The following KHDRBS2 variants were observed in gnomAD, a reference collection of about 807,000 sequenced individuals.
KHDRBS2 encodes KH RNA binding domain containing, signal transduction associated 2, also known as KH domain-containing, RNA-binding, signal transduction-associated protein 2.
Under a neutral mutation model 44.3 loss-of-function variants are expected in KHDRBS2, and 26 were observed. The ratio of observed to expected loss-of-function variants is 0.59; its 90% CI spans 0.43 to 0.81. The LOEUF is 0.81. KHDRBS2 is among the 40% of genes least tolerant of loss of function. The probability of loss-of-function intolerance (pLI) is 0.00; values close to 1 mark genes in which losing one functional copy is unlikely to be tolerated. For synonymous variants in KHDRBS2, 194 were observed against 151.1 expected, an observed-to-expected ratio of 1.28 and a Z score of -2.08; for missense variants, 476 against 433.1, an observed-to-expected ratio of 1.10 and a Z score of -0.88.
the KHDRBS2 span, among the ~76,000 whole-genome samples, chr6:61,672,927 T>C: frequency 1.3e-5 from 2 of 152,054 alleles, no homozygotes; most frequent in Non-Finnish European, 2.9e-5. Context: ...TGCCCATGCC[T>C]ATGTCCTGAA....
At chr6:62,009,539 G>C (rs2127267756) in intron 3 of KHDRBS2, among the ~76,000 whole-genome samples, 1 of 152,306 alleles carries the variant, frequency 6.6e-6, no homozygotes, top group South Asian at 2.1e-4. Context: ...TGAGGAAAAT[G>C]TCTCCAGGGC....
chr6:62,272,673 G>A (rs923566455), intron 1 of KHDRBS2, among the ~76,000 whole-genome samples: 11 of 152,226 alleles, frequency 7.2e-5, no homozygotes, highest in African/African-American at 2.6e-4. Context: ...AATCACATAC[G>A]CCAAAATGTC....
intron 4 of KHDRBS2, among the ~76,000 whole-genome samples, chr6:61,954,722 T>G (rs202180363): frequency 0.02 from 1,535 of 75,024 alleles, 26 homozygotes; most frequent in African/African-American, 0.059. Flanking sequence ...ACATGCATAC[T>G]TATGTATACA....
At chr6:61,565,557 T>C in the KHDRBS2 span, among the ~76,000 whole-genome samples, 86,062 of 151,944 alleles carry the variant, frequency 0.57, 24,619 homozygotes, top group African/African-American at 0.61. Flanking sequence ...AACAGGAATA[T>C]GCAAAAATGC....
At chr6:61,831,124 T>A (rs1322585972) in intron 6 of KHDRBS2, among the ~76,000 whole-genome samples, 1 of 152,140 alleles carries the variant, frequency 6.6e-6, no homozygotes, top group Admixed American at 6.6e-5. Context: ...CTTTTTGAAG[T>A]TGGTAAATCT....
intron 1 of KHDRBS2, among the ~76,000 whole-genome samples, chr6:62,244,992 TGAG>T (rs1835308414): frequency 6.6e-6 from 1 of 151,902 alleles, no homozygotes; most frequent in Non-Finnish European, 1.5e-5. Flanking sequence ...GACTTTCTGC[TGAG>T]GAGGAGAATA....
At chr6:61,600,123 A>T in the KHDRBS2 span, among the ~76,000 whole-genome samples, 1 of 152,174 alleles carries the variant, frequency 6.6e-6, no homozygotes, top group Non-Finnish European at 1.5e-5. Context: ...TTATTTATTT[A>T]TTTATTTTGT....
chr6:61,628,682 T>C, the KHDRBS2 span, among the ~76,000 whole-genome samples: 1 of 152,160 alleles, frequency 6.6e-6, no homozygotes, highest in Non-Finnish European at 1.5e-5. Flanking sequence ...CAGTTCTCCA[T>C]TCCTTAGGGA....
chr6:62,169,270 G>A (rs1819522671), intron 2 of KHDRBS2, among the ~76,000 whole-genome samples: 1 of 150,042 alleles, frequency 6.7e-6, no homozygotes, highest in Non-Finnish European at 1.5e-5. Context: ...ACTGCTCCTT[G>A]CAAAGCTGGG....
intron 6 of KHDRBS2, among the ~76,000 whole-genome samples, chr6:61,761,340 C>T (rs1779243838): frequency 1.3e-5 from 2 of 152,176 alleles, no homozygotes; most frequent in African/African-American, 4.8e-5. Flanking sequence ...TACATGTCTG[C>T]TAAGGTATTC....
chr6:61,616,096 T>C, the KHDRBS2 span, among the ~76,000 whole-genome samples: 118 of 152,320 alleles, frequency 7.7e-4, no homozygotes, highest in African/African-American at 2.7e-3. Flanking sequence ...TGGCATTTCC[T>C]TTCTGAAAGG....
At chr6:61,867,916 C>A (rs1798020974) in intron 6 of KHDRBS2, among the ~76,000 whole-genome samples, 1 of 152,060 alleles carries the variant, frequency 6.6e-6, no homozygotes, top group Non-Finnish European at 1.5e-5. Flanking sequence ...GGAGTTCTCC[C>A]TAGTCAGGAG....
At chr6:61,583,844 C>T in the KHDRBS2 span, among the ~76,000 whole-genome samples, 1 of 151,582 alleles carries the variant, frequency 6.6e-6, no homozygotes, top group Non-Finnish European at 1.5e-5. Flanking sequence ...AACCCATAAA[C>T]ACAGTGTATC....
chr6:62,163,063 T>C (rs1817976091), intron 2 of KHDRBS2, among the ~76,000 whole-genome samples: 1 of 152,016 alleles, frequency 6.6e-6, no homozygotes. Context: ...ACAAGTGACG[T>C]CACAAATTTG....
At chr6:61,845,536 C>G (rs1421860816) in intron 6 of KHDRBS2, among the ~76,000 whole-genome samples, 1 of 152,184 alleles carries the variant, frequency 6.6e-6, no homozygotes, top group Non-Finnish European at 1.5e-5. Context: ...GTCTCGATCT[C>G]TTGACCTTGT....
chr6:62,018,050 G>T (rs1488426612), intron 3 of KHDRBS2, among the ~76,000 whole-genome samples: 1 of 151,182 alleles, frequency 6.6e-6, no homozygotes, highest in Non-Finnish European at 1.5e-5. Context: ...GTATAAATAA[G>T]TACTACTAAA....
At chr6:61,848,386 C>A (rs1301471442) in intron 6 of KHDRBS2, among the ~76,000 whole-genome samples, 1 of 145,636 alleles carries the variant, frequency 6.9e-6, no homozygotes, top group African/African-American at 2.5e-5. Flanking sequence ...GCATGTCCAA[C>A]ACTAAGATGT....
intron 3 of KHDRBS2, among the ~76,000 whole-genome samples, chr6:61,988,564 G>A (rs897851747): frequency 6.6e-6 from 1 of 152,132 alleles, no homozygotes; most frequent in African/African-American, 2.4e-5. Context: ...ACAGAAAATG[G>A]GGAGTAGGTG....
At chr6:61,831,275 A>C (rs1791752337) in intron 6 of KHDRBS2, among the ~76,000 whole-genome samples, 1 of 152,130 alleles carries the variant, frequency 6.6e-6, no homozygotes, top group Non-Finnish European at 1.5e-5. Context: ...CTAAAAAACC[A>C]CAAATGATAG....
Sources: gnomAD v4.1 joint callset for allele counts (sites outside exome capture counted in the v4.1 genomes callset) on GRCh38, gnomAD v4.1.1 for gene constraint, MANE v1.5 for transcripts, NCBI Gene and HGNC (gene_info 2026-07-23, HGNC 2026-07-21) for gene names.